CLDN14: variants seen among roughly 807,000 people sequenced by gnomAD.
CLDN14 encodes claudin-14.
Under a neutral mutation model 2.1 loss-of-function variants are expected in CLDN14, and 2 were observed. That is an observed-to-expected ratio of 0.96 (90% CI 0.39 to 3.01). The LOEUF (loss-of-function observed/expected upper bound fraction) is 3.01. CLDN14 is among the 30% of genes most tolerant of loss of function. The probability of loss-of-function intolerance (pLI) is 0.09; values close to 1 mark genes in which losing one functional copy is unlikely to be tolerated. For missense variants in CLDN14, 298 were observed against 328.0 expected (o/e 0.91, Z 0.71); for synonymous variants, 136 against 154.4 (o/e 0.88, Z 0.88).
intron 2 of CLDN14, among the ~76,000 whole-genome samples, chr21:36,507,105 A>G (rs1326645527): frequency 1.3e-5 from 2 of 150,552 alleles, no homozygotes; most frequent in East Asian, 1.9e-4. Flanking sequence ...CCTGGGCAAC[A>G]GAATGAGATG....
At position 36,460,906 on chromosome 21, in the gene CLDN14, C is replaced by G; in HGVS notation, c.*70G>C. ...AGAAGTAAACTTTGTGCTGGAACCC[C>G]TGCCTCCATTGACAGTCCCGCCGGG... On this transcript the variant is annotated 3_prime_UTR_variant, in exon 2 of 2. Transcript: ENST00000399135. This position sits in a 1 kb window ranked among gnomAD's most constrained non-coding sequence, Gnocchi z 4.0. 1 of 1,555,582 alleles carries G rather than the reference C, an allele frequency of 6.4e-7. No homozygotes were observed. Among genetic ancestry groups the G allele is most frequent in the Non-Finnish European group, 8.7e-7 (1 of 1,144,778 alleles).
At chr21:36,510,005 A>C (rs2087171118) in intron 2 of CLDN14, among the ~76,000 whole-genome samples, 1 of 152,210 alleles carries the variant, frequency 6.6e-6, no homozygotes, top group South Asian at 2.1e-4. Context: ...CCTACCATAG[A>C]CACCCTGTAA....
intron 1 of CLDN14, among the ~76,000 whole-genome samples, chr21:36,519,530 C>T (rs188086743): frequency 1.3e-5 from 2 of 152,156 alleles, no homozygotes; most frequent in East Asian, 1.9e-4. Context: ...GGCCAACAGA[C>T]GAAACCTCAT....
chr21:36,546,505 A>T (rs569829821), intron 1 of CLDN14, among the ~76,000 whole-genome samples: 2 of 152,166 alleles, frequency 1.3e-5, no homozygotes, highest in Non-Finnish European at 2.9e-5. Flanking sequence ...CCCTAGCAAA[A>T]ATGTGCACGG....
intron 1 of CLDN14, among the ~76,000 whole-genome samples, chr21:36,511,010 A>G (rs1312461069): frequency 1.3e-5 from 2 of 152,216 alleles, no homozygotes; most frequent in Non-Finnish European, 2.9e-5. Flanking sequence ...TTTGTCCTCA[A>G]TAAATTAATG....
At chr21:36,560,073 TA>T (rs1166523063) in intron 1 of CLDN14, among the ~76,000 whole-genome samples, 1 of 152,256 alleles carries the variant, frequency 6.6e-6, no homozygotes, top group Non-Finnish European at 1.5e-5. Flanking sequence ...AGCAAATTTT[TA>T]AAGTACAACT....
rs1276882307 is a variant in CLDN14, at chr21:36,471,480, T to C, written c.-82+8015A>G. Among the ~76,000 whole-genome samples, 5 of 152,028 alleles carry C rather than the reference T, an allele frequency of 3.3e-5. No homozygotes were observed. In the East Asian group the frequency reaches 5.8e-4, roughly 18 times the overall value. On this transcript the variant is annotated intron_variant, in intron 1 of 1. Transcript: ENST00000399135. ...GCTCATGTCTCCAGCTTGTGTGCAA[T>C]TGGCTGGGGTATAATTGGTGACTGA...
chr21:36,553,560 C>G (rs1451129534), intron 1 of CLDN14, among the ~76,000 whole-genome samples: 1 of 152,112 alleles, frequency 6.6e-6, no homozygotes, highest in Admixed American at 6.5e-5. Flanking sequence ...CGCACCCCAT[C>G]TTGGCCCACT....
intron 2 of CLDN14, among the ~76,000 whole-genome samples, chr21:36,491,720 G>T (rs2086966636): frequency 6.6e-6 from 1 of 152,138 alleles, no homozygotes; most frequent in African/African-American, 2.4e-5. Context: ...ACATGCCTCG[G>T]GAGTGGCGAC....
At chr21:36,497,996 G>A (rs1449849663) in intron 2 of CLDN14, among the ~76,000 whole-genome samples, 2 of 151,974 alleles carry the variant, frequency 1.3e-5, no homozygotes, top group African/African-American at 4.8e-5. Context: ...GTCAGCGAGA[G>A]GAAGATGCTT....
At chr21:36,524,073 C>T (rs551702688) in intron 1 of CLDN14, among the ~76,000 whole-genome samples, 1 of 152,010 alleles carries the variant, frequency 6.6e-6, no homozygotes, top group Admixed American at 6.5e-5. Flanking sequence ...GATCTATACC[C>T]ATCAGCAGTG....
chr21:36,553,821 G>A lies in CLDN14; in HGVS notation c.-220+22590C>T, dbSNP rs75441316. Among the ~76,000 whole-genome samples the A allele has an allele frequency of 3.7e-3, 564 of 152,226 alleles. 6 individuals are homozygous for A. Among genetic ancestry groups the A allele is most frequent in the African/African-American group, 9.1e-3 (376 of 41,534 alleles). On this transcript the variant is annotated intron_variant, in intron 1 of 2. Coordinates refer to the CLDN14 transcript ENST00000342108. ...GTGAGATGAGGGATGAGGCATGGCCGGCCCACATCATTCCATCTGTGGAGA... is the reference window on the plus strand; with the variant it reads ...GTGAGATGAGGGATGAGGCATGGCCAGCCCACATCATTCCATCTGTGGAGA...
At chr21:36,486,226 T>C in intron 2 of CLDN14, 1 of 886,782 alleles carries the variant, frequency 1.1e-6, no homozygotes, top group Middle Eastern at 2.2e-4. Flanking sequence ...CAAACTCTGC[T>C]CCTGCAGGGA....
At chr21:36,564,671 C>T (rs1763883052) in intron 1 of CLDN14, among the ~76,000 whole-genome samples, 1 of 152,168 alleles carries the variant, frequency 6.6e-6, no homozygotes, top group South Asian at 2.1e-4. Context: ...ATCTCCAGAA[C>T]CCATGAGTAT....
chr21:36,552,741 C>G (rs1331978653), intron 1 of CLDN14, among the ~76,000 whole-genome samples: 1 of 150,920 alleles, frequency 6.6e-6, no homozygotes, highest in Non-Finnish European at 1.5e-5. Context: ...AAAAAAAACT[C>G]TCTATTTTCT....
At chr21:36,521,531 G>T (rs1218680975) in intron 1 of CLDN14, among the ~76,000 whole-genome samples, 2 of 152,164 alleles carry the variant, frequency 1.3e-5, no homozygotes, top group African/African-American at 4.8e-5. Flanking sequence ...CAAAAACACA[G>T]ATTTTCACAA....
At position 36,478,976 on chromosome 21, in the gene CLDN14, C is replaced by G. The variant is rs146400661; in HGVS notation, c.-82+519G>C. ...CATTGAGAGAGATCTATCACTTCCC[C>G]CCCTCTCCTGCCATGCCAATATGTG... On this transcript the variant is annotated intron_variant, in intron 1 of 1. Coordinates refer to ENST00000399135, the MANE Select transcript of CLDN14 (RefSeq NM_001146079.2). Among the ~76,000 whole-genome samples the G allele has an allele frequency of 5.9e-3, 893 of 152,244 alleles. 7 individuals are homozygous for G. Among genetic ancestry groups the G allele is most frequent in the African/African-American group, 0.02 (816 of 41,536 alleles).
intron 1 of CLDN14, among the ~76,000 whole-genome samples, chr21:36,554,589 A>G (rs770466231): frequency 6.6e-6 from 1 of 152,204 alleles, no homozygotes; most frequent in Non-Finnish European, 1.5e-5. Context: ...CATATGGGGA[A>G]GGCAAGGCAC....
At chr21:36,492,961 C>T (rs1214295450) in intron 2 of CLDN14, among the ~76,000 whole-genome samples, 1 of 152,194 alleles carries the variant, frequency 6.6e-6, no homozygotes, top group Non-Finnish European at 1.5e-5. Flanking sequence ...TGCCTGGGAG[C>T]TCTGAGCCAC....
Sources: allele counts gnomAD v4.1 joint callset (sites outside exome capture counted in the v4.1 genomes callset), GRCh38; gene constraint gnomAD v4.1.1; non-coding constraint Gnocchi (gnomAD v3.1); transcripts MANE v1.5; gene names NCBI Gene and HGNC (gene_info 2026-07-23, HGNC 2026-07-21).